APPL2: variants seen among roughly 807,000 people sequenced by gnomAD.
The protein encoded by APPL2 is adaptor protein, phosphotyrosine interacting with PH domain and leucine zipper 2.
APPL2 carries 84 observed loss-of-function variants against 92.7 expected under a neutral mutation model. The observed-to-expected ratio is 0.91, with a 90% CI of 0.76 to 1.09. The LOEUF is 1.09. APPL2 is among the 50% of genes least tolerant of loss of function. The probability of loss-of-function intolerance (pLI) is 0.00; values close to 1 mark genes in which losing one functional copy is unlikely to be tolerated. For synonymous variants in APPL2, 291 were observed against 291.0 expected (o/e 1.00, Z 0.00); for missense variants, 736 against 824.5 (o/e 0.89, Z 1.31).
At chr12:105,178,582 C>T (rs979736804) in intron 17 of APPL2, among the ~76,000 whole-genome samples, 3 of 152,170 alleles carry the variant, frequency 2.0e-5, no homozygotes, top group African/African-American at 4.8e-5. Context: ...GTTGGAAATA[C>T]GTGCAGTTAC....
chr12:105,195,620 T>C lies in APPL2; in HGVS notation c.1060A>G (p.Ile354Val). ...ITTPNGKSGI[I>V]LQAESRKENE... ...TCCTTTCTGCTCTCAGCCTGGAGGA[T>C]TATTCCCCTGAAACAAAAGTGTCTA... The change falls in exon 12 of 21, where the codon ATC (isoleucine) becomes GTC (valine). Residue 354 changes from isoleucine to valine, a missense_variant. Physicochemically the swap from Ile to Val is conservative, Grantham distance 29. Transcript: ENST00000258530. 1 of 1,614,188 alleles carries C rather than the reference T, an allele frequency of 6.2e-7. No individual in the cohort carries two copies. Among genetic ancestry groups the C allele is most frequent in the Non-Finnish European group, 8.5e-7 (1 of 1,180,042 alleles).
intron 11 of APPL2, 145 bp from the exon 12 acceptor site, chr12:105,195,772 G>T: frequency 1.1e-6 from 1 of 876,022 alleles, no homozygotes. Flanking sequence ...TGGGGTTCCA[G>T]GGCCAGGTGC....
intron 1 of APPL2, chr12:105,235,479 G>C (rs1052641107): frequency 1.3e-5 from 2 of 152,358 alleles, no homozygotes; most frequent in African/African-American, 4.8e-5. Context: ...CACATCATTA[G>C]GAGTAGCAGT....
In APPL2 at chr12:105,217,710, C is replaced by A. The variant is rs763322048; in HGVS notation, c.169G>T (p.Ala57Ser). 1.9e-6 allele frequency: 3 copies of A among 1,613,828 alleles called. No individual in the cohort carries two copies. The Admixed American group carries it at 5.0e-5, about 27-fold the overall frequency. The change falls in exon 3 of 21, where the codon GCC (alanine) becomes TCC (serine). Residue 57 changes from alanine (A) to serine (S), a missense_variant. By Grantham distance (99) the Ala-to-Ser change is moderately conservative. Coordinates refer to ENST00000258530, the MANE Select transcript of APPL2 (RefSeq NM_018171.5). ...VYGAQNEMCLATQQLSKQLLA... is the reference protein window; with the variant it reads ...VYGAQNEMCLSTQQLSKQLLA... ...AGTTGCTTAGAAAGCTGTTGTGTGG[C>A]CAGGCACATCTCATTCTGTGGAGAG...
At position 105,207,080 on chromosome 12, in the gene APPL2, A is replaced by G; in HGVS notation, c.602T>C (p.Ile201Thr). ...CCCTACCTGTCCATGGGCAAAGCCT[A>G]TCATGGGCTCCATCATGGCCATTTG... ...RKQMAMMEPM[I>T]GFAHGQINFF... The change falls in exon 8 of 21, where the codon ATA becomes ACA. Residue 201 changes from isoleucine (I) to threonine (T), a missense_variant. Transcript: ENST00000258530. 6.2e-7 allele frequency: 1 copy of G among 1,614,174 alleles called. No homozygotes were observed. The highest frequency in any genetic ancestry group is 1.1e-5 in the South Asian group (1 of 91,078).
At chr12:105,191,472 A>G (rs1395581205) in intron 14 of APPL2, among the ~76,000 whole-genome samples, 1 of 152,214 alleles carries the variant, frequency 6.6e-6, no homozygotes, top group Non-Finnish European at 1.5e-5. Context: ...TATGAGTAGA[A>G]GCTTCAAGGG....
chr12:105,190,864 C>T (rs2135943128), intron 14 of APPL2, among the ~76,000 whole-genome samples: 1 of 152,342 alleles, frequency 6.6e-6, no homozygotes, highest in East Asian at 1.9e-4. Context: ...TGTGGACAGA[C>T]TAATCAGGAA....
chr12:105,225,941 ATTT>A lies in APPL2; in HGVS notation c.153+3181_153+3183del, dbSNP rs578152880. Among the ~76,000 whole-genome samples, 241 of 152,366 alleles carry A rather than the reference ATTT, an allele frequency of 1.6e-3. 2 individuals carry two copies. Among genetic ancestry groups the A allele is most frequent in the African/African-American group, 5.7e-3 (237 of 41,578 alleles). The stretch of plus-strand genomic sequence containing the variant: ...AAAATATCTTTTATGAACACTTATC[ATTT>A]ATCAGCAGCGTAAGCCTGCTTTTGA... On this transcript the variant is annotated intron_variant, in intron 2 of 20. Transcript: ENST00000258530.
chr12:105,205,500 T>G (rs748372616), intron 8 of APPL2, among the ~76,000 whole-genome samples: 2 of 152,188 alleles, frequency 1.3e-5, no homozygotes, highest in Non-Finnish European at 2.9e-5. Flanking sequence ...CTGGGAGCAG[T>G]GAGGTAGTCC....
intron 4 of APPL2, 71 bp downstream of exon 4, chr12:105,216,998 G>C: frequency 8.9e-7 from 1 of 1,128,208 alleles, no homozygotes; most frequent in Non-Finnish European, 1.3e-6. Context: ...AAAATGGAAA[G>C]TGGGCCAAAA....
Position 105,236,119 on chromosome 12 carries a change from C to G in APPL2, c.-107G>C. The G allele has an allele frequency of 1.2e-6, 1 of 816,506 alleles. No individual in the cohort carries two copies. The highest frequency in any genetic ancestry group is 1.6e-6 in the Non-Finnish European group (1 of 628,810). The allele number at this position is 816,506 out of a possible 1,614,324, so 50.6% of individuals were successfully genotyped here. A position where few individuals can be genotyped will look rare whatever the true frequency, so the allele number is the denominator to read the frequency against. On this transcript the variant is annotated 5_prime_UTR_variant, in exon 1 of 21. Transcript: ENST00000258530. ...GGGCTCAGGCGACGCGGCGGCCACT[C>G]CGTGCCCGCGGCGGCCCCGCGCGCG...
chr12:105,216,453 G>GA (rs1363662550), intron 4 of APPL2, among the ~76,000 whole-genome samples: 1 of 151,890 alleles, frequency 6.6e-6, no homozygotes, highest in Non-Finnish European at 1.5e-5. Flanking sequence ...GTGAATATTT[G>GA]AAAAAAAGAG....
In APPL2 at chr12:105,189,725, T is replaced by C. The variant is rs765693162; in HGVS notation, c.1459+47A>G. 20 of 1,570,450 alleles carry C rather than the reference T, an allele frequency of 1.3e-5. No individual in the cohort carries two copies. In the East Asian group the frequency reaches 4.5e-4, roughly 35 times the overall value. On this transcript the variant is annotated intron_variant, in intron 16 of 20. Transcript: ENST00000258530. ...TCACATCTTATTTCAATGGCCGTTG[T>C]CATTTTGTGCAGAGGAAAGAATAAG...
chr12:105,195,740 G>T, intron 11 of APPL2, 113 bp from the exon 12 acceptor site: 4 of 1,187,540 alleles, frequency 3.4e-6, no homozygotes, highest in Non-Finnish European at 4.9e-6. Flanking sequence ...CATGAAGGCA[G>T]CATGATGAGA....
intron 2 of APPL2, among the ~76,000 whole-genome samples, chr12:105,224,870 A>G (rs1890375319): frequency 6.9e-6 from 1 of 145,784 alleles, no homozygotes; most frequent in Non-Finnish European, 1.5e-5. Context: ...CATTCTAAAG[A>G]AAAGTACTTT....
At chr12:105,179,240 G>A (rs959451520) in intron 17 of APPL2, among the ~76,000 whole-genome samples, 2 of 152,144 alleles carry the variant, frequency 1.3e-5, no homozygotes, top group Admixed American at 1.3e-4. Flanking sequence ...TGCGGTGTTT[G>A]GTTTTCTGTT....
chr12:105,220,775 G>A (rs74356311), intron 2 of APPL2, among the ~76,000 whole-genome samples: 1 of 152,318 alleles, frequency 6.6e-6, no homozygotes, highest in East Asian at 1.9e-4. Flanking sequence ...CAAGGGGAGA[G>A]CACTCATGTG....
intron 2 of APPL2, among the ~76,000 whole-genome samples, chr12:105,220,208 G>A (rs767689066): frequency 1.8e-4 from 28 of 152,186 alleles, no homozygotes; most frequent in Non-Finnish European, 3.1e-4. Flanking sequence ...CAAGGCAGGA[G>A]AGGAGAAGGC....
Position 105,189,804 on chromosome 12 carries a change from T to G in APPL2, c.1427A>C (p.Glu476Ala). ...RGSRRTNPFG[E>A]TEDESFPEAE... ...TTCTGGAAATGATTCATCCTCAGTT[T>G]CACCAAAAGGGTTGGTACGCCTAGG... The change falls in exon 16 of 21, where the codon GAA (glutamate) becomes GCA (alanine). Residue 476 changes from glutamate to alanine, a missense_variant. Glu to Ala is a moderately radical substitution (Grantham distance 107). Coordinates refer to ENST00000258530, the MANE Select transcript of APPL2 (RefSeq NM_018171.5). 6.2e-7 allele frequency: 1 copy of G among 1,614,190 alleles called. No individual in the cohort carries two copies. Among genetic ancestry groups the G allele is most frequent in the Non-Finnish European group, 8.5e-7 (1 of 1,180,030 alleles).
Sources: gnomAD v4.1 joint callset for allele counts (sites outside exome capture counted in the v4.1 genomes callset) on GRCh38, gnomAD v4.1.1 for gene constraint, MANE v1.5 for transcripts, NCBI Gene and HGNC (gene_info 2026-07-23, HGNC 2026-07-21) for gene names.